TNS1: variants seen among roughly 807,000 people sequenced by gnomAD.
TNS1 encodes the protein tensin 1.
A neutral mutation model predicts 168.6 loss-of-function variants in TNS1; 62 were observed. The observed-to-expected ratio is 0.37, with a 90% confidence interval of 0.30 to 0.45. The LOEUF (loss-of-function observed/expected upper bound fraction) is 0.45. TNS1 is among the 20% of genes least tolerant of loss of function. The probability of loss-of-function intolerance (pLI) is 1.00; values close to 1 mark genes in which losing one functional copy is unlikely to be tolerated. For missense variants in TNS1, 2,240 were observed against 2,339.4 expected, an observed-to-expected ratio of 0.96 and a Z score of 0.88; for synonymous variants, 934 against 933.2, an observed-to-expected ratio of 1.00 and a Z score of -0.02.
intron 8 of TNS1, among the ~76,000 whole-genome samples, chr2:217,896,932 T>C (rs1409665155): frequency 6.6e-6 from 1 of 152,234 alleles, no homozygotes; most frequent in Non-Finnish European, 1.5e-5. Flanking sequence ...TGTTTTTATT[T>C]GTATTGTTTT....
chr2:218,024,673 G>C (rs1958837639), intron 1 of TNS1, among the ~76,000 whole-genome samples: 1 of 152,144 alleles, frequency 6.6e-6, no homozygotes, highest in Non-Finnish European at 1.5e-5. Flanking sequence ...CAGCCCCAGA[G>C]GACACCCAAG....
intron 22 of TNS1, among the ~76,000 whole-genome samples, chr2:217,824,301 C>G (rs1470404811): frequency 6.6e-6 from 1 of 152,236 alleles, no homozygotes; most frequent in African/African-American, 2.4e-5. Context: ...GCAGTGAACA[C>G]TAGCACCAAA....
At chr2:217,936,309 T>C (rs555095203) in intron 3 of TNS1, among the ~76,000 whole-genome samples, 2 of 152,100 alleles carry the variant, frequency 1.3e-5, no homozygotes, top group African/African-American at 4.8e-5. Flanking sequence ...CTGCCTACAG[T>C]CTACCCTCAC....
At chr2:217,900,885 C>T (rs916265438) in intron 6 of TNS1, among the ~76,000 whole-genome samples, 3 of 152,194 alleles carry the variant, frequency 2.0e-5, no homozygotes, top group Non-Finnish European at 2.9e-5. Context: ...GAGGAGAATA[C>T]GACTGCCACC....
rs1157499809 is a variant in TNS1, at chr2:217,948,957, C to T, written c.187-28721G>A. Among the ~76,000 whole-genome samples the T allele has an allele frequency of 1.3e-5, 2 of 152,158 alleles. No homozygotes were observed. Among genetic ancestry groups the T allele is most frequent in the Non-Finnish European group, 2.9e-5 (2 of 68,040 alleles). On this transcript the variant is annotated intron_variant, in intron 3 of 32. Coordinates refer to ENST00000682258, the MANE Select transcript of TNS1 (RefSeq NM_001387777.1). This position sits in a 1 kb window ranked among gnomAD's most constrained non-coding sequence, Gnocchi z 4.1. The stretch of plus-strand genomic sequence containing the variant: ...CCTACTCAGATTTGTACCATAGTGT[C>T]AGGGCAGAGGATGGAAAGGGAAGGA...
intron 3 of TNS1, among the ~76,000 whole-genome samples, chr2:217,935,978 A>G (rs1244812793): frequency 6.6e-6 from 1 of 152,176 alleles, no homozygotes; most frequent in East Asian, 1.9e-4. Context: ...TTGCTCTAGG[A>G]AATAAACGCT....
chr2:217,832,603 G>A (rs1029182590), intron 21 of TNS1, among the ~76,000 whole-genome samples: 7 of 152,152 alleles, frequency 4.6e-5, no homozygotes, highest in African/African-American at 9.7e-5. Context: ...AATGCTCCAC[G>A]ACCCTCCCTG....
At chr2:217,971,398 T>C (rs1023286456) in intron 3 of TNS1, among the ~76,000 whole-genome samples, 1 of 152,266 alleles carries the variant, frequency 6.6e-6, no homozygotes, top group Admixed American at 6.5e-5. Flanking sequence ...CTGTTGCGCA[T>C]AGATCATTCC....
chr2:218,026,330 C>T (rs1174075853), intron 1 of TNS1, among the ~76,000 whole-genome samples: 1 of 152,184 alleles, frequency 6.6e-6, no homozygotes, highest in Non-Finnish European at 1.5e-5. Context: ...GCCATCCCTA[C>T]CGCCTGCCTT....
rs545300123 is a variant in TNS1, at chr2:218,033,031, C to A, written c.156+789G>T. Among the ~76,000 whole-genome samples the A allele has an allele frequency of 1.6e-4, 24 of 152,298 alleles. No individual in the cohort carries two copies. Among genetic ancestry groups the A allele is most frequent in the African/African-American group, 5.5e-4 (23 of 41,562 alleles). ...CCCTGCCCACCTTTACCTGGCCCAA[C>A]AGGCACCTGCCCCATGTCAAAGCTG... On this transcript the variant is annotated intron_variant, in intron 1 of 1. Transcript: ENST00000649572. This position sits in a 1 kb window ranked among gnomAD's most constrained non-coding sequence, Gnocchi z 4.3.
chr2:217,953,191 T>C (rs1304870333), intron 3 of TNS1, among the ~76,000 whole-genome samples: 2 of 152,156 alleles, frequency 1.3e-5, no homozygotes, highest in Admixed American at 6.5e-5. Flanking sequence ...TGAAGGATGC[T>C]TGGGCTCCAG....
chr2:217,808,864 A>G (rs1939784481), intron 30 of TNS1, among the ~76,000 whole-genome samples, 193 bp from the exon 31 acceptor site: 2 of 152,222 alleles, frequency 1.3e-5, no homozygotes, highest in Non-Finnish European at 2.9e-5. Context: ...CAGATGTGCC[A>G]TAGAATCATC....
intron 3 of TNS1, among the ~76,000 whole-genome samples, chr2:217,962,877 T>A (rs1159475559): frequency 6.6e-6 from 1 of 151,988 alleles, no homozygotes; most frequent in Non-Finnish European, 1.5e-5. Flanking sequence ...AGGGCAGTGG[T>A]GGGAACACTG....
chr2:217,891,111 C>G, intron 11 of TNS1, 66 bp from the exon 12 acceptor site: 1 of 1,525,776 alleles, frequency 6.6e-7, no homozygotes, highest in Non-Finnish European at 9.1e-7. Flanking sequence ...GTTTTCCCCA[C>G]CCCTGCTCCC....
intron 3 of TNS1, among the ~76,000 whole-genome samples, chr2:217,966,291 G>A (rs1024531249): frequency 7.4e-5 from 11 of 149,076 alleles, no homozygotes; most frequent in African/African-American, 2.3e-4. Flanking sequence ...GTGTGTGTGT[G>A]TGTGTGTGTG....
chr2:217,890,464 C>G (rs1951630226), intron 12 of TNS1: 1 of 154,552 alleles, frequency 6.5e-6, no homozygotes, highest in Non-Finnish European at 1.4e-5. Context: ...TGCCCTGTTT[C>G]CTGCCTGGGC....
chr2:217,848,798 G>A lies in TNS1; in HGVS notation c.1719C>T (p.Gly573=). The change falls in exon 19 of 33, where the codon GGC becomes GGT. Residue 573 remains glycine, a synonymous_variant. Coordinates refer to ENST00000682258, the MANE Select transcript of TNS1 (RefSeq NM_001387777.1). ...RELDRLLSGF[G]LEREKQGAMY... Reference sequence around the variant, plus strand: ...TGGCGCCTTGCTTCTCTCGCTCTAAGCCAAAGCCACTCAGCAGGCGGTCCA... The same window carrying A: ...TGGCGCCTTGCTTCTCTCGCTCTAAACCAAAGCCACTCAGCAGGCGGTCCA... 6.2e-7 allele frequency: 1 copy of A among 1,614,114 alleles called. No homozygotes were observed. Among genetic ancestry groups the A allele is most frequent in the Non-Finnish European group, 8.5e-7 (1 of 1,180,046 alleles).
intron 21 of TNS1, among the ~76,000 whole-genome samples, chr2:217,832,189 C>G (rs1036167517): frequency 4.6e-5 from 7 of 152,224 alleles, no homozygotes; most frequent in African/African-American, 7.2e-5. Context: ...CTCTGTCCCC[C>G]CAAACCTCAG....
intron 19 of TNS1, among the ~76,000 whole-genome samples, chr2:217,836,627 A>T (rs1263234778): frequency 6.6e-6 from 1 of 152,160 alleles, no homozygotes; most frequent in Non-Finnish European, 1.5e-5. Context: ...GTGGGGAAGA[A>T]CTCTTGGAAA....
Sources: allele counts gnomAD v4.1 joint callset (sites outside exome capture counted in the v4.1 genomes callset), GRCh38; gene constraint gnomAD v4.1.1; non-coding constraint Gnocchi (gnomAD v3.1); transcripts MANE v1.5; gene names NCBI Gene and HGNC (gene_info 2026-07-23, HGNC 2026-07-21).